Variants in GRIN2A observed in about 807,000 individuals in gnomAD.
GRIN2A encodes the protein glutamate ionotropic receptor NMDA type subunit 2A.
In GRIN2A, 22 loss-of-function variants were observed where a neutral mutation model predicts 113.4. The observed-to-expected ratio is 0.19, with a 90% CI of 0.14 to 0.28. GRIN2A has a LOEUF of 0.28. GRIN2A is among the 10% of genes least tolerant of loss of function. GRIN2A has a pLI of 1.00. For missense variants in GRIN2A, 1,502 were observed against 1,887.0 expected (o/e 0.80, Z 3.78); for synonymous variants, 827 against 738.4 (o/e 1.12, Z -1.94).
At chr16:10,178,708 C>T (rs1468972738) in intron 2 of GRIN2A, among the ~76,000 whole-genome samples, 1 of 152,170 alleles carries the variant, frequency 6.6e-6, no homozygotes, top group Non-Finnish European at 1.5e-5. Context: ...GCCCAGGAGA[C>T]CTGAAAGAAT....
At chr16:10,123,344 T>A (rs2048869203) in intron 2 of GRIN2A, among the ~76,000 whole-genome samples, 1 of 152,166 alleles carries the variant, frequency 6.6e-6, no homozygotes, top group African/African-American at 2.4e-5. Flanking sequence ...CTCTTTTTTT[T>A]AAAGCCTTGG....
Position 9,764,663 on chromosome 16 carries a change from T to C in GRIN2A, c.2881A>G (p.Asn961Asp). 6.2e-7 allele frequency: 1 copy of C among 1,614,124 alleles called. No homozygotes were observed. Among genetic ancestry groups the C allele is most frequent in the East Asian group, 2.2e-5 (1 of 44,884 alleles). Residue 961 changes from asparagine (N) to aspartate (D), a missense_variant, in exon 13 of 13, where the codon AAC becomes GAC. Physicochemically the swap from Asn to Asp is conservative, Grantham distance 23 (BLOSUM62 1). Coordinates refer to ENST00000330684, the MANE Select transcript of GRIN2A (RefSeq NM_001134407.3). ...TTGGCCACAAATGTTTGGAGTTCGT[T>C]CATGTTGTCTCCAAAAATGCTCTCT... ...GKESIFGDNM[N>D]ELQTFVANRQ...
intron 7 of GRIN2A, among the ~76,000 whole-genome samples, chr16:9,839,370 T>C (rs1221491308): frequency 6.6e-5 from 10 of 151,184 alleles, no homozygotes; most frequent in Non-Finnish European, 1.0e-4. Context: ...TAGCTCTTCC[T>C]TGATTTAAAA....
intron 10 of GRIN2A, among the ~76,000 whole-genome samples, chr16:9,798,967 G>A (rs1903181809): frequency 6.6e-6 from 1 of 152,164 alleles, no homozygotes. Flanking sequence ...ATATAGAAAA[G>A]TATTAAAAAT....
At chr16:10,040,322 C>T (rs569928664) in intron 2 of GRIN2A, among the ~76,000 whole-genome samples, 2 of 151,556 alleles carry the variant, frequency 1.3e-5, no homozygotes, top group South Asian at 4.2e-4. Context: ...CACACATCCA[C>T]ACCACACAAA....
chr16:10,154,072 G>T (rs578135113), intron 2 of GRIN2A, among the ~76,000 whole-genome samples: 163 of 152,224 alleles, frequency 1.1e-3, no homozygotes, highest in African/African-American at 3.7e-3. Flanking sequence ...CAGGCACATG[G>T]CAGGAGAGCC....
intron 2 of GRIN2A, among the ~76,000 whole-genome samples, chr16:9,950,687 T>C (rs1399920051): frequency 3.3e-5 from 5 of 152,168 alleles, no homozygotes; most frequent in Non-Finnish European, 7.4e-5. Flanking sequence ...CTTAGTGCAG[T>C]GGAAGGCGCA....
In GRIN2A at chr16:9,754,395, T is replaced by C. The variant is rs1316291248; in HGVS notation, c.*8754A>G. ...GTGTCAAGCAGTTTTCTGAATTTTC[T>C]ATGAAAATGTTATTCTTGAACTTAT... On this transcript the variant is annotated 3_prime_UTR_variant, in exon 13 of 13. Coordinates refer to ENST00000330684, the MANE Select transcript of GRIN2A (RefSeq NM_001134407.3). The C allele has an allele frequency of 4.8e-6, 1 of 209,798 alleles. No homozygotes were observed. Among genetic ancestry groups the C allele is most frequent in the Non-Finnish European group, 9.7e-6 (1 of 103,222 alleles). 13.0% of individuals were successfully genotyped at this position (209,798 alleles called of 1,614,324 possible).
chr16:9,814,827 C>G (rs548752313), intron 10 of GRIN2A, among the ~76,000 whole-genome samples: 1 of 152,238 alleles, frequency 6.6e-6, no homozygotes, highest in South Asian at 2.1e-4. Context: ...TGAGTCCAGC[C>G]TGACCAACAT....
intron 12 of GRIN2A, among the ~76,000 whole-genome samples, chr16:9,767,507 G>A (rs1178205860): frequency 2.0e-5 from 3 of 151,868 alleles, no homozygotes; most frequent in African/African-American, 7.3e-5. Flanking sequence ...GCAATTAGAT[G>A]TTTTTAACCA....
intron 2 of GRIN2A, among the ~76,000 whole-genome samples, chr16:10,096,667 G>C (rs1030032512): frequency 1.3e-5 from 2 of 151,804 alleles, no homozygotes; most frequent in Admixed American, 6.6e-5. Context: ...AACAGTGAAA[G>C]TGTGGATTTT....
At position 9,763,817 on chromosome 16, in the gene GRIN2A, C is replaced by G. The variant is rs745928545; in HGVS notation, c.3727G>C (p.Gly1243Arg). 24 of 1,614,092 alleles carry G rather than the reference C, an allele frequency of 1.5e-5. No homozygotes were observed. The highest frequency in any genetic ancestry group is 2.0e-5 in the Non-Finnish European group (24 of 1,180,022). The stretch of plus-strand genomic sequence containing the variant: ...TCTTCATCGATGTCATAGAGGTTCC[C>G]CATCCGCAGGCAGGCATCGCACTTG... Reference protein sequence around the residue: ...PFKCDACLRMGNLYDIDEDQM... With the variant: ...PFKCDACLRMRNLYDIDEDQM... The change falls in exon 13 of 13, where the codon GGG becomes CGG. Residue 1243 changes from glycine to arginine, a missense_variant. Gly to Arg is a moderately radical substitution (Grantham distance 125, BLOSUM62 -2). This residue lies in a region of GRIN2A where 832 missense variants were observed against 789.7 expected (regional missense o/e 1.05). Transcript: ENST00000330684.
chr16:9,855,353 C>T (rs898439426), intron 4 of GRIN2A, among the ~76,000 whole-genome samples: 2 of 152,176 alleles, frequency 1.3e-5, no homozygotes, highest in Non-Finnish European at 2.9e-5. Context: ...ATGCACAGTT[C>T]CTGGCACACA....
chr16:9,850,823 A>T (rs552121567), intron 4 of GRIN2A, among the ~76,000 whole-genome samples: 22 of 152,266 alleles, frequency 1.4e-4, no homozygotes, highest in Non-Finnish European at 2.6e-4. Context: ...AGTGCAATCA[A>T]ATTGAAGGCT....
intron 3 of GRIN2A, among the ~76,000 whole-genome samples, chr16:9,899,413 C>A (rs980777121): frequency 8.9e-6 from 1 of 112,144 alleles, no homozygotes; most frequent in Non-Finnish European, 1.7e-5. Context: ...GCACTCTAGC[C>A]TGGGCAACAA....
rs763785374 is a variant in GRIN2A at position 9,938,356 on chromosome 16, T to A, written c.610A>T (p.Ile204Phe). ...SFVGWDMQNVITLDTSFEDAK... is the reference protein window; with the variant it reads ...SFVGWDMQNVFTLDTSFEDAK... ...TCCTCAAAGGAAGTGTCCAGTGTGATCACATTCTGCATGTCCCAGCCCACA... is the reference window on the plus strand; with the variant it reads ...TCCTCAAAGGAAGTGTCCAGTGTGAACACATTCTGCATGTCCCAGCCCACA... Residue 204 changes from isoleucine (I) to phenylalanine (F), a missense_variant, in exon 3 of 13, where the codon ATC becomes TTC. Coordinates refer to ENST00000330684, the MANE Select transcript of GRIN2A (RefSeq NM_001134407.3). 6.2e-7 allele frequency: 1 copy of A among 1,614,130 alleles called. No homozygotes were observed. The highest frequency in any genetic ancestry group is 1.1e-5 in the South Asian group (1 of 91,080).
Position 9,921,200 on chromosome 16 carries a change from T to G in GRIN2A, c.1007+16759A>C, listed in dbSNP as rs375163530. 2.7e-4 allele frequency among the ~76,000 whole-genome samples: 41 copies of G among 152,354 alleles called. No individual in the cohort carries two copies. The South Asian group carries it at 8.1e-3, about 30-fold the overall frequency. On this transcript the variant is annotated intron_variant, in intron 3 of 12. Transcript: ENST00000330684. ...CTAATGACAATAATAATAATTAGTA[T>G]TGATGACAACATTAACATTTTCAGA...
At chr16:9,900,431 G>A (rs7200835) in intron 3 of GRIN2A, among the ~76,000 whole-genome samples, 1 of 152,010 alleles carries the variant, frequency 6.6e-6, no homozygotes, top group Admixed American at 6.6e-5. Flanking sequence ...TCCTTAAGGA[G>A]AGGACCCTAT....
chr16:10,098,240 T>A (rs1367655184), intron 2 of GRIN2A, among the ~76,000 whole-genome samples: 2 of 151,960 alleles, frequency 1.3e-5, no homozygotes, highest in Non-Finnish European at 2.9e-5. Context: ...GAAATGCAAA[T>A]CAAACCACAA....
Sources: allele counts gnomAD v4.1 joint callset (sites outside exome capture counted in the v4.1 genomes callset), GRCh38; gene constraint gnomAD v4.1.1; regional missense constraint gnomAD v4.1.1; transcripts MANE v1.5; gene names NCBI Gene and HGNC (gene_info 2026-07-23, HGNC 2026-07-21).